SDK1: variants seen among roughly 807,000 people sequenced by gnomAD.
SDK1 encodes sidekick cell adhesion molecule 1.
SDK1 carries 157 observed loss-of-function variants against 245.5 expected under a neutral mutation model. The observed-to-expected ratio is 0.64, with a 90% CI of 0.56 to 0.73. SDK1 has a LOEUF of 0.73. Ranked by LOEUF, SDK1 falls within the 30% of genes least tolerant of loss-of-function variation. The pLI is 0.00. For synonymous variants in SDK1, 1,647 were observed against 1,278.5 expected (o/e 1.29, Z -6.15); for missense variants, 3,583 against 3,002.3 (o/e 1.19, Z -4.52).
At chr7:3,900,193 T>G (rs1196196164) in intron 5 of SDK1, among the ~76,000 whole-genome samples, 2 of 152,248 alleles carry the variant, frequency 1.3e-5, no homozygotes, top group African/African-American at 2.4e-5. Context: ...TTACATATTT[T>G]CATCCCCATA....
chr7:4,262,560 C>G (rs2128244421), intron 44 of SDK1, among the ~76,000 whole-genome samples: 1 of 151,906 alleles, frequency 6.6e-6, no homozygotes. Flanking sequence ...CATTCAGTAC[C>G]TGGCCGGGGA....
At chr7:3,660,193 C>T (rs1415678542) in intron 4 of SDK1, among the ~76,000 whole-genome samples, 4 of 151,982 alleles carry the variant, frequency 2.6e-5, no homozygotes, top group Non-Finnish European at 5.9e-5. Context: ...GAAGCAACTG[C>T]TGAGGAGCTC....
chr7:3,745,936 A>T (rs113579382), intron 4 of SDK1, among the ~76,000 whole-genome samples: 1,564 of 152,278 alleles, frequency 0.01, 24 homozygotes, highest in African/African-American at 0.036. Flanking sequence ...GTGGGTTTGG[A>T]TCCCAGCTCC....
chr7:4,140,134 A>G (rs964935549), intron 28 of SDK1, among the ~76,000 whole-genome samples: 53 of 152,256 alleles, frequency 3.5e-4, no homozygotes, highest in African/African-American at 1.2e-3. Flanking sequence ...TGCTGCAGAC[A>G]GTGGCGCTGC....
At chr7:3,514,025 G>T (rs527797689) in intron 1 of SDK1, among the ~76,000 whole-genome samples, 2 of 151,990 alleles carry the variant, frequency 1.3e-5, no homozygotes, top group African/African-American at 2.4e-5. Flanking sequence ...TCTTTATTCA[G>T]TCCACCATTG....
At chr7:4,185,465 C>G (rs976412523) in intron 35 of SDK1, among the ~76,000 whole-genome samples, 3 of 152,148 alleles carry the variant, frequency 2.0e-5, no homozygotes, top group African/African-American at 7.2e-5. Flanking sequence ...ATTTCCAGAG[C>G]CCCCAGGCTT....
At chr7:3,313,433 T>TA (rs138658238) in intron 1 of SDK1, among the ~76,000 whole-genome samples, 2,458 of 152,130 alleles carry the variant, frequency 0.016, 60 homozygotes, top group African/African-American at 0.05. Flanking sequence ...AGGTTGTAGA[T>TA]AAAAAACAAA....
intron 1 of SDK1, among the ~76,000 whole-genome samples, chr7:3,333,151 C>T (rs1351159868): frequency 2.6e-5 from 4 of 152,148 alleles, no homozygotes; most frequent in Admixed American, 1.3e-4. Context: ...AACTAGGCTG[C>T]TTCCTGTGGT....
intron 35 of SDK1, among the ~76,000 whole-genome samples, chr7:4,194,419 T>C (rs1039235687): frequency 3.0e-5 from 4 of 132,046 alleles, no homozygotes; most frequent in South Asian, 2.5e-4. Context: ...CATATGTGTA[T>C]ACATGTATAC....
At chr7:3,772,248 TC>T (rs1414108104) in intron 4 of SDK1, among the ~76,000 whole-genome samples, 6 of 152,186 alleles carry the variant, frequency 3.9e-5, no homozygotes, top group African/African-American at 1.2e-4. Context: ...TGAATTTTTT[TC>T]TTTTTTTTTT....
At chr7:3,475,776 T>C (rs1781331638) in intron 1 of SDK1, among the ~76,000 whole-genome samples, 9 of 152,278 alleles carry the variant, frequency 5.9e-5, no homozygotes, top group Admixed American at 5.9e-4. Flanking sequence ...TACAAGACAG[T>C]CTTCCACAGA....
intron 1 of SDK1, among the ~76,000 whole-genome samples, chr7:3,599,693 A>G (rs1024203470): frequency 1.6e-4 from 25 of 152,148 alleles, no homozygotes; most frequent in African/African-American, 5.8e-4. Flanking sequence ...TCAATTGCCT[A>G]GCATCATTTG....
intron 2 of SDK1, among the ~76,000 whole-genome samples, chr7:3,638,760 T>A (rs977810995): frequency 5.3e-5 from 8 of 151,120 alleles, no homozygotes; most frequent in Non-Finnish European, 1.2e-4. Flanking sequence ...GTTGTGCACA[T>A]GTACCCTAAA....
intron 4 of SDK1, among the ~76,000 whole-genome samples, chr7:3,661,190 A>G (rs1337495192): frequency 6.6e-6 from 1 of 152,244 alleles, no homozygotes; most frequent in Non-Finnish European, 1.5e-5. Context: ...ACTTTGAACA[A>G]CTAATTGACT....
intron 5 of SDK1, among the ~76,000 whole-genome samples, chr7:3,914,359 G>A (rs1469753465): frequency 6.6e-6 from 1 of 152,182 alleles, no homozygotes; most frequent in Non-Finnish European, 1.5e-5. Flanking sequence ...AGATTGTTAT[G>A]TCAAAAATTC....
Position 4,183,577 on chromosome 7 carries a change from G to A in SDK1, c.5098+4991G>A, listed in dbSNP as rs188592766. Among the ~76,000 whole-genome samples, 94 of 149,348 alleles carry A rather than the reference G, an allele frequency of 6.3e-4. 1 individual carries two copies. Among genetic ancestry groups the A allele is most frequent in the Non-Finnish European group, 1.2e-3 (82 of 67,700 alleles). ...TTGAACCGGAACCCGGGAGGCAGAG[G>A]TTGCAGTAAGCCAAAATCGCACCAC... On this transcript the variant is annotated intron_variant, in intron 35 of 44. Coordinates refer to ENST00000404826, the MANE Select transcript of SDK1 (RefSeq NM_152744.4).
At chr7:3,634,503 T>C (rs1782395287) in intron 2 of SDK1, among the ~76,000 whole-genome samples, 1 of 152,224 alleles carries the variant, frequency 6.6e-6, no homozygotes, top group Non-Finnish European at 1.5e-5. Context: ...AATTCTGCCT[T>C]GATAGAGTGA....
intron 4 of SDK1, among the ~76,000 whole-genome samples, chr7:3,821,123 A>G (rs751421413): frequency 6.6e-6 from 1 of 152,084 alleles, no homozygotes; most frequent in African/African-American, 2.4e-5. Flanking sequence ...TGGTCTTGTT[A>G]TGCATTCTCA....
chr7:3,794,253 C>A (rs549714985), intron 4 of SDK1, among the ~76,000 whole-genome samples: 2 of 152,324 alleles, frequency 1.3e-5, no homozygotes, highest in African/African-American at 4.8e-5. Context: ...TCCCTTCCCA[C>A]ATCTCCTGTC....
Sources: allele counts gnomAD v4.1 joint callset (sites outside exome capture counted in the v4.1 genomes callset), GRCh38; gene constraint gnomAD v4.1.1; transcripts MANE v1.5; gene names NCBI Gene and HGNC (gene_info 2026-07-23, HGNC 2026-07-21).